The following CCDC88C variants were observed in gnomAD, a reference collection of about 807,000 sequenced individuals.
CCDC88C encodes coiled-coil and HOOK domain protein 88C.
CCDC88C carries 131 observed loss-of-function variants against 198.8 expected under a neutral mutation model. The ratio of observed to expected loss-of-function variants is 0.66; its 90% CI spans 0.57 to 0.76. CCDC88C has a LOEUF of 0.76. CCDC88C is among the 30% of genes least tolerant of loss of function. The pLI is 0.00. For missense variants in CCDC88C, 2,553 were observed against 2,631.6 expected, an observed-to-expected ratio of 0.97 and a Z score of 0.65; for synonymous variants, 1,166 against 1,114.7, an observed-to-expected ratio of 1.05 and a Z score of -0.92.
chr14:91,346,893 T>C, intron 4 of CCDC88C, among the ~76,000 whole-genome samples: 1 of 152,124 alleles, frequency 6.6e-6, no homozygotes, highest in South Asian at 2.1e-4. Flanking sequence ...AGGAAGACTC[T>C]GTCTCAAAAA....
intron 20 of CCDC88C, 101 bp from the exon 21 acceptor site, chr14:91,300,171 G>T (rs949519215): frequency 4.8e-5 from 71 of 1,476,664 alleles, no homozygotes; most frequent in Non-Finnish European, 6.2e-5. Context: ...GAGAAAATGG[G>T]ATTCCTCTGG....
chr14:91,276,041 C>T (rs1390533298), intron 29 of CCDC88C, among the ~76,000 whole-genome samples: 1 of 151,726 alleles, frequency 6.6e-6, no homozygotes, highest in Non-Finnish European at 1.5e-5. Context: ...AGGATGGTCT[C>T]GATCTCCTGA....
At chr14:91,399,597 G>A (rs902486156) in intron 3 of CCDC88C, among the ~76,000 whole-genome samples, 1 of 152,134 alleles carries the variant, frequency 6.6e-6, no homozygotes, top group African/African-American at 2.4e-5. Flanking sequence ...CAGCACTTTG[G>A]GAGGCCGAGG....
At position 91,272,566 on chromosome 14, in the gene CCDC88C, C is replaced by A; in HGVS notation, c.*59G>T. Reference sequence around the variant, plus strand: ...ACCGCAGGCAAGCAAGAGAAAAGGCCGTGAGAGTCGGAAGGCGCGTCAGTA... The same window carrying A: ...ACCGCAGGCAAGCAAGAGAAAAGGCAGTGAGAGTCGGAAGGCGCGTCAGTA... On this transcript the variant is annotated 3_prime_UTR_variant, in exon 30 of 30. Coordinates refer to ENST00000389857, the MANE Select transcript of CCDC88C (RefSeq NM_001080414.4). The A allele has an allele frequency of 1.3e-6, 2 of 1,525,636 alleles. No individual in the cohort carries two copies. The highest frequency in any genetic ancestry group is 2.3e-5 in the East Asian group (1 of 43,746). 94.5% of individuals were successfully genotyped at this position (1,525,636 alleles called of 1,614,324 possible).
intron 15 of CCDC88C, among the ~76,000 whole-genome samples, chr14:91,312,408 C>T (rs544840254): frequency 8.5e-4 from 126 of 148,728 alleles, no homozygotes; most frequent in African/African-American, 2.5e-3. Context: ...AAGGGTCGGG[C>T]GCGGTGGCTC....
At chr14:91,376,002 C>T (rs547404904) in intron 3 of CCDC88C, among the ~76,000 whole-genome samples, 8 of 152,272 alleles carry the variant, frequency 5.3e-5, no homozygotes, top group Non-Finnish European at 8.8e-5. Context: ...CTTCCAGCCC[C>T]GCGAGTTCAC....
chr14:91,337,254 G>A (rs949195808), intron 10 of CCDC88C, among the ~76,000 whole-genome samples: 1 of 152,182 alleles, frequency 6.6e-6, no homozygotes, highest in Admixed American at 6.5e-5. Context: ...AATAAAGATA[G>A]AGTAGCCTCC....
At chr14:91,310,449 G>A (rs1490167042) in intron 15 of CCDC88C, among the ~76,000 whole-genome samples, 1 of 152,076 alleles carries the variant, frequency 6.6e-6, no homozygotes, top group Non-Finnish European at 1.5e-5. Flanking sequence ...GTCTTGCTTG[G>A]TTGCCTAGGC....
At chr14:91,293,408 C>CA (rs1890799790) in intron 23 of CCDC88C, among the ~76,000 whole-genome samples, 1 of 40,040 alleles carries the variant, frequency 2.5e-5, no homozygotes, top group Non-Finnish European at 4.5e-5. Flanking sequence ...ACCTTCCTGC[C>CA]CCCTCACCTG....
In CCDC88C at chr14:91,325,874, C is replaced by G; in HGVS notation, c.1197+36G>C. On this transcript the variant is annotated intron_variant, in intron 11 of 29. Coordinates refer to ENST00000389857, the MANE Select transcript of CCDC88C (RefSeq NM_001080414.4). This position sits in a 1 kb window ranked among gnomAD's most constrained non-coding sequence, Gnocchi z 4.1. The stretch of plus-strand genomic sequence containing the variant: ...ATGAGCCACTGTGCCCGAGCCCAAT[C>G]TGTTTTCAATGTAGTAACAACACAG... The G allele has an allele frequency of 6.5e-7, 1 of 1,531,500 alleles. No individual in the cohort carries two copies. Among genetic ancestry groups the G allele is most frequent in the East Asian group, 2.5e-5 (1 of 40,108 alleles). The allele number at this position is 1,531,500 out of a possible 1,614,324, so 94.9% of individuals were successfully genotyped here.
chr14:91,317,796 A>T (rs886375488), intron 13 of CCDC88C, among the ~76,000 whole-genome samples: 1 of 152,132 alleles, frequency 6.6e-6, no homozygotes, highest in East Asian at 1.9e-4. Flanking sequence ...CGGGCCAGGG[A>T]GGAAGTGGGT....
In CCDC88C at chr14:91,287,187, C is replaced by T. The variant is rs190661614; in HGVS notation, c.4441+1918G>A. Among the ~76,000 whole-genome samples the T allele has an allele frequency of 1.4e-3, 219 of 152,238 alleles. 3 individuals carry two copies. The highest frequency in any genetic ancestry group is 5.2e-3 in the African/African-American group (216 of 41,542). ...AATTAAACAGGAGCCAATATAAAAA[C>T]CTGAGGCAACAGAACCCCTCTAGCT... On this transcript the variant is annotated intron_variant, in intron 25 of 29. Transcript: ENST00000389857.
intron 1 of CCDC88C, chr14:91,417,427 A>T: frequency 1.8e-6 from 1 of 570,900 alleles, no homozygotes; most frequent in Non-Finnish European, 3.1e-6. Context: ...CCCGCGCCGG[A>T]CGCACAACGG....
chr14:91,318,413 C>G (rs1231489372), intron 13 of CCDC88C, among the ~76,000 whole-genome samples: 2 of 152,166 alleles, frequency 1.3e-5, no homozygotes, highest in African/African-American at 4.8e-5. Context: ...AAGACCCTGT[C>G]TCAAAAAACC....
At chr14:91,390,288 G>A (rs531009574) in intron 3 of CCDC88C, among the ~76,000 whole-genome samples, 13 of 152,020 alleles carry the variant, frequency 8.6e-5, no homozygotes, top group South Asian at 4.1e-4. Flanking sequence ...TAAGCACGGC[G>A]TCTGGCACAT....
intron 12 of CCDC88C, 119 bp downstream of exon 12, chr14:91,324,660 C>T: frequency 6.3e-6 from 8 of 1,269,038 alleles, no homozygotes; most frequent in Non-Finnish European, 8.8e-6. Flanking sequence ...TGAAGGAAAT[C>T]ATGTTTGCCT....
intron 3 of CCDC88C, among the ~76,000 whole-genome samples, chr14:91,363,150 T>C (rs904773200): frequency 2.0e-5 from 3 of 152,184 alleles, no homozygotes; most frequent in Non-Finnish European, 4.4e-5. Context: ...ACACATTAAT[T>C]TCAAATTTTC....
chr14:91,363,061 C>T (rs1162205894), intron 3 of CCDC88C, among the ~76,000 whole-genome samples: 2 of 152,122 alleles, frequency 1.3e-5, no homozygotes, highest in African/African-American at 4.8e-5. Context: ...TTAACTGGTC[C>T]CCTTAAAGAA....
chr14:91,315,409 C>T (rs1439583116), intron 14 of CCDC88C, among the ~76,000 whole-genome samples: 1 of 152,130 alleles, frequency 6.6e-6, no homozygotes, highest in Non-Finnish European at 1.5e-5. Flanking sequence ...CCTCTCTTCC[C>T]CGGGGTCACG....
Sources: allele counts gnomAD v4.1 joint callset (sites outside exome capture counted in the v4.1 genomes callset), GRCh38; gene constraint gnomAD v4.1.1; non-coding constraint Gnocchi (gnomAD v3.1); transcripts MANE v1.5; gene names NCBI Gene and HGNC (gene_info 2026-07-23, HGNC 2026-07-21).